LMLN: variants seen among roughly 807,000 people sequenced by gnomAD.
LMLN encodes leishmanolysin like peptidase.
A neutral mutation model predicts 92.3 loss-of-function variants in LMLN; 70 were observed. That is an observed-to-expected ratio of 0.76 (90% CI 0.63 to 0.92). The LOEUF (loss-of-function observed/expected upper bound fraction) is 0.92, where lower values mean the gene tolerates loss of function less well. LMLN is among the 40% of genes least tolerant of loss of function. The pLI, the probability that LMLN is intolerant of heterozygous loss-of-function variation, is 0.00. For missense variants in LMLN, 691 were observed against 814.6 expected (o/e 0.85, Z 1.85); for synonymous variants, 308 against 296.2 (o/e 1.04, Z -0.41).
At chr3:197,989,786 C>G (rs1721813511) in intron 8 of LMLN, among the ~76,000 whole-genome samples, 1 of 152,198 alleles carries the variant, frequency 6.6e-6, no homozygotes, top group African/African-American at 2.4e-5. Context: ...CTTTGAAAGG[C>G]TGAGGTGGAA....
intron 11 of LMLN, among the ~76,000 whole-genome samples, chr3:198,002,748 A>G (rs1581160481): frequency 6.6e-6 from 1 of 152,206 alleles, no homozygotes; most frequent in East Asian, 1.9e-4. Flanking sequence ...AAAATAAAAT[A>G]AAGTGAAAAT....
chr3:198,018,181 G>A (rs1345398136), intron 11 of LMLN, among the ~76,000 whole-genome samples: 2 of 151,910 alleles, frequency 1.3e-5, no homozygotes, highest in Non-Finnish European at 2.9e-5. Context: ...TATGCCTTTT[G>A]GTTTTAGACA....
At chr3:198,007,437 C>G (rs1405878955) in intron 11 of LMLN, among the ~76,000 whole-genome samples, 1 of 150,990 alleles carries the variant, frequency 6.6e-6, no homozygotes, top group Non-Finnish European at 1.5e-5. Context: ...AAAAGGCTAT[C>G]TTTCCTTCAT....
At chr3:198,002,007 TACAC>T (rs1280889277) in intron 11 of LMLN, among the ~76,000 whole-genome samples, 1 of 152,242 alleles carries the variant, frequency 6.6e-6, no homozygotes, top group East Asian at 1.9e-4. Context: ...CAAAATATAA[TACAC>T]ACAGGTAAGA....
At chr3:198,018,520 A>G (rs1444017278) in intron 11 of LMLN, among the ~76,000 whole-genome samples, 1 of 152,196 alleles carries the variant, frequency 6.6e-6, no homozygotes, top group African/African-American at 2.4e-5. Context: ...TTTGCTGAAG[A>G]CTGTGGCAAG....
chr3:198,036,170 T>A, intron 15 of LMLN, 127 bp downstream of exon 16: 1 of 790,772 alleles, frequency 1.3e-6, no homozygotes, highest in South Asian at 1.8e-5. Flanking sequence ...CTGATTGCAT[T>A]TTTATGGGAA....
intron 5 of LMLN, among the ~76,000 whole-genome samples, chr3:197,978,765 C>T (rs1387021060): frequency 2.0e-5 from 3 of 152,170 alleles, no homozygotes; most frequent in East Asian, 1.9e-4. Context: ...CTGAGGTGGG[C>T]GGATCACCTG....
intron 14 of LMLN, among the ~76,000 whole-genome samples, chr3:198,028,845 CA>C: frequency 6.6e-6 from 1 of 152,318 alleles, no homozygotes; most frequent in Middle Eastern, 3.4e-3. Context: ...TGTGCAGGCA[CA>C]AATTTATATT....
intron 1 of LMLN, among the ~76,000 whole-genome samples, chr3:197,965,626 A>G (rs1023611354): frequency 6.6e-6 from 1 of 152,148 alleles, no homozygotes; most frequent in African/African-American, 2.4e-5. Flanking sequence ...CTCTATTAAA[A>G]ACTATTGGCC....
At position 198,038,698 on chromosome 3, in the gene LMLN, TTTATG is replaced by T. The variant is rs754672752; in HGVS notation, c.*39_*43del. ...GAAAAGTGGATCTTCAAGATATTCT[TTTATG>T]TTATGTTCTTGTGAACAAAGCACAA... On this transcript the variant is annotated 3_prime_UTR_variant, in exon 16 of 16. Coordinates refer to ENST00000330198, the Ensembl canonical transcript of LMLN. 11 of 1,497,256 alleles carry T rather than the reference TTTATG, an allele frequency of 7.3e-6. No homozygotes were observed. In the South Asian group the frequency reaches 7.9e-5, roughly 11 times the overall value. The allele number at this position is 1,497,256 out of a possible 1,614,324, so 92.7% of individuals were successfully genotyped here.
At chr3:198,028,136 C>A (rs145645182) in intron 14 of LMLN, among the ~76,000 whole-genome samples, 114 of 152,288 alleles carry the variant, frequency 7.5e-4, no homozygotes, top group African/African-American at 2.6e-3. Context: ...ATTTTTGGTA[C>A]AATCGATGAA....
intron 5 of LMLN, among the ~76,000 whole-genome samples, chr3:197,977,403 A>G (rs189698176): frequency 6.6e-6 from 1 of 152,274 alleles, no homozygotes; most frequent in Non-Finnish European, 1.5e-5. Flanking sequence ...AAATCATCAA[A>G]CAATCTGGAA....
intron 11 of LMLN, among the ~76,000 whole-genome samples, chr3:198,001,678 C>T (rs1018990066): frequency 6.6e-6 from 1 of 152,128 alleles, no homozygotes; most frequent in Non-Finnish European, 1.5e-5. Context: ...CAGTTTCTGT[C>T]TGAGTGAGAG....
chr3:198,000,693 G>A (rs1722148781), intron 11 of LMLN, among the ~76,000 whole-genome samples: 1 of 152,198 alleles, frequency 6.6e-6, no homozygotes, highest in Non-Finnish European at 1.5e-5. Flanking sequence ...CTCCCAAAGT[G>A]CTGGGATTAC....
intron 1 of LMLN, among the ~76,000 whole-genome samples, chr3:197,967,357 A>G (rs1446547468): frequency 2.0e-5 from 3 of 152,218 alleles, no homozygotes; most frequent in African/African-American, 7.2e-5. Context: ...GCCTCCAGGG[A>G]TGACATCACC....
intron 5 of LMLN, among the ~76,000 whole-genome samples, chr3:197,977,848 T>C (rs1721440067): frequency 6.6e-6 from 1 of 151,854 alleles, no homozygotes; most frequent in Non-Finnish European, 1.5e-5. Context: ...ACGTTAAATC[T>C]GGATACATAT....
intron 1 of LMLN, among the ~76,000 whole-genome samples, chr3:197,969,040 A>G (rs1311814481): frequency 6.6e-6 from 1 of 151,476 alleles, no homozygotes; most frequent in Non-Finnish European, 1.5e-5. Context: ...GTCTGTAGTG[A>G]TATCTTCTGT....
intron 9 of LMLN, among the ~76,000 whole-genome samples, chr3:197,991,924 C>G (rs180803712): frequency 7.5e-5 from 11 of 147,470 alleles, no homozygotes; most frequent in African/African-American, 2.8e-4. Context: ...TGCAATGGCA[C>G]GAGCTCAGCT....
In LMLN at chr3:197,992,688, A is replaced by C. The variant is rs1459719503; in HGVS notation, c.1047+2012A>C. Among the ~76,000 whole-genome samples, 4 of 152,216 alleles carry C rather than the reference A, an allele frequency of 2.6e-5. No homozygotes were observed. In the East Asian group the frequency reaches 7.7e-4, roughly 29 times the overall value. On this transcript the variant is annotated intron_variant, in intron 9 of 15. Coordinates refer to ENST00000330198, the Ensembl canonical transcript of LMLN. The stretch of plus-strand genomic sequence containing the variant: ...AAGCCCAGGACCAGGTTCACTGCTG[A>C]ATTTCACCAAATGTTTAAAGAAGAA...
Sources: allele counts gnomAD v4.1 joint callset (sites outside exome capture counted in the v4.1 genomes callset), GRCh38; gene constraint gnomAD v4.1.1; transcripts MANE v1.5; gene names NCBI Gene and HGNC (gene_info 2026-07-23, HGNC 2026-07-21).